The following MYCBP2 variants were observed in gnomAD, a reference collection of about 807,000 sequenced individuals.
MYCBP2 encodes MYC binding protein 2.
In MYCBP2, 120 loss-of-function variants were observed where a neutral mutation model predicts 525.3. The observed-to-expected ratio is 0.23, with a 90% CI of 0.20 to 0.27. The LOEUF is 0.27. Among genes scored for constraint, MYCBP2 ranks in the 10% least tolerant of loss-of-function variants. The probability of loss-of-function intolerance (pLI) is 1.00; values close to 1 mark genes in which losing one functional copy is unlikely to be tolerated. For missense variants in MYCBP2, 4,149 were observed against 5,657.1 expected, an observed-to-expected ratio of 0.73 and a Z score of 8.55; for synonymous variants, 1,894 against 1,955.8, an observed-to-expected ratio of 0.97 and a Z score of 0.83.
At chr13:77,306,221 G>T (rs1446158345) in intron 1 of MYCBP2, among the ~76,000 whole-genome samples, 1 of 152,156 alleles carries the variant, frequency 6.6e-6, no homozygotes. Context: ...AGCACCTTAT[G>T]TAAACTGAAG....
At chr13:77,120,663 AGAG>A (rs2050538705) in intron 55 of MYCBP2, among the ~76,000 whole-genome samples, 1 of 152,216 alleles carries the variant, frequency 6.6e-6, no homozygotes, top group African/African-American at 2.4e-5. Context: ...GGAAAGAACA[AGAG>A]TGTGTGAATT....
chr13:77,062,674 T>C lies in MYCBP2; in HGVS notation c.12696A>G (p.Leu4232=), dbSNP rs777854754. ...CTACGTGGTCCTGATCAAGAACACA[T>C]AGGGATGCGAGAGCAAGCCAGAGCT... is the stretch of plus-strand genomic sequence containing the variant. The part of the protein sequence containing the change: ...TTRLWLALAS[L]CVLDQDHVDR... Residue 4232 remains leucine, a synonymous_variant, in exon 74 of 83, where the codon CTA becomes CTG. Coordinates refer to ENST00000544440, the MANE Select transcript of MYCBP2 (RefSeq NM_015057.5). 18 of 1,614,014 alleles carry C rather than the reference T, an allele frequency of 1.1e-5. No homozygotes were observed. The highest frequency in any genetic ancestry group is 5.3e-5 in the African/African-American group (4 of 74,906).
chr13:77,167,933 A>G (rs1424652033), intron 40 of MYCBP2, among the ~76,000 whole-genome samples: 1 of 152,238 alleles, frequency 6.6e-6, no homozygotes, highest in Non-Finnish European at 1.5e-5. Context: ...AATTTGCATG[A>G]TACAATGAAA....
chr13:77,105,542 T>C (rs2047719181), intron 55 of MYCBP2, among the ~76,000 whole-genome samples: 1 of 152,092 alleles, frequency 6.6e-6, no homozygotes, highest in Admixed American at 6.6e-5. Context: ...TTATAGTTAA[T>C]TTTTATAAAG....
intron 31 of MYCBP2, 122 bp from the exon 32 acceptor site, chr13:77,185,499 G>C: frequency 9.3e-7 from 1 of 1,072,754 alleles, no homozygotes; most frequent in South Asian, 1.8e-5. Context: ...TCTTAGAAAT[G>C]AAACAACTTA....
rs1352368921 is a variant in MYCBP2, at chr13:77,273,358, C to G, written c.945+114G>C. On this transcript the variant is annotated intron_variant, in intron 5 of 82. Transcript: ENST00000544440. ...AGATTATTTATGTATCAATCTTGGACAGATTAAGCTACTGTAATGAGTGAG... is the reference window on the plus strand; with the variant it reads ...AGATTATTTATGTATCAATCTTGGAGAGATTAAGCTACTGTAATGAGTGAG... The G allele has an allele frequency of 5.2e-6, 4 of 770,518 alleles. No homozygotes were observed. The African/African-American group carries it at 5.3e-5, about 10-fold the overall frequency. 47.7% of individuals were successfully genotyped at this position (770,518 alleles called of 1,614,324 possible). A position where few individuals can be genotyped will look rare whatever the true frequency, so the allele number is the denominator to read the frequency against.
At chr13:77,075,058 A>G (rs2042043718) in intron 68 of MYCBP2, among the ~76,000 whole-genome samples, 1 of 152,136 alleles carries the variant, frequency 6.6e-6, no homozygotes, top group African/African-American at 2.4e-5. Flanking sequence ...ATATATTAAA[A>G]TCAGCTGGGC....
At chr13:77,290,478 G>C (rs1028575372) in intron 2 of MYCBP2, among the ~76,000 whole-genome samples, 2 of 152,044 alleles carry the variant, frequency 1.3e-5, no homozygotes, top group African/African-American at 4.8e-5. Context: ...TCTTTTAATG[G>C]GTAAATGGTT....
chr13:77,185,060 AAT>A (rs1293986722), intron 32 of MYCBP2, 41 bp downstream of exon 32: 1 of 1,559,982 alleles, frequency 6.4e-7, no homozygotes, highest in Non-Finnish European at 8.8e-7. Flanking sequence ...AGTATTAAGC[AAT>A]ATATCAGATT....
At position 77,081,747 on chromosome 13, in the gene MYCBP2, G is replaced by A; in HGVS notation, c.11193+90C>T. Reference sequence around the variant, plus strand: ...ATAAGATAAAACATAATGGAAGACAGGATCAAATTGATTATGAATAACTTA... The same window carrying A: ...ATAAGATAAAACATAATGGAAGACAAGATCAAATTGATTATGAATAACTTA... On this transcript the variant is annotated intron_variant, in intron 64 of 82. Coordinates refer to ENST00000544440, the MANE Select transcript of MYCBP2 (RefSeq NM_015057.5). The surrounding 1 kb of genome is among the most constrained non-coding windows in gnomAD (Gnocchi z 4.6). The A allele has an allele frequency of 6.5e-7, 1 of 1,531,294 alleles. No individual in the cohort carries two copies. The allele number at this position is 1,531,294 out of a possible 1,614,324, so 94.9% of individuals were successfully genotyped here.
chr13:77,206,948 AG>A lies in MYCBP2; in HGVS notation c.3417-124del, dbSNP rs1282456533. 3.2e-5 allele frequency: 25 copies of A among 771,198 alleles called. No homozygotes were observed. In the East Asian group the frequency reaches 6.7e-4, roughly 21 times the overall value. 47.8% of individuals were successfully genotyped at this position (771,198 alleles called of 1,614,324 possible). On this transcript the variant is annotated intron_variant, in intron 23 of 82. Coordinates refer to ENST00000544440, the MANE Select transcript of MYCBP2 (RefSeq NM_015057.5). ...TAGTCAGCTTAAAGAGGACAAATGT[AG>A]CTCATTATCTTCTGGATCTAAGCTA... is the stretch of plus-strand genomic sequence containing the variant.
intron 55 of MYCBP2, among the ~76,000 whole-genome samples, chr13:77,104,749 C>T (rs1204617022): frequency 1.3e-5 from 2 of 152,040 alleles, no homozygotes; most frequent in Non-Finnish European, 2.9e-5. Context: ...AATTTGGCAA[C>T]ACAAAAGTCA....
chr13:77,243,338 C>A (rs551947868), intron 16 of MYCBP2, among the ~76,000 whole-genome samples, 178 bp from the exon 17 acceptor site: 34 of 152,306 alleles, frequency 2.2e-4, no homozygotes, highest in African/African-American at 7.5e-4. Context: ...TCTGGCTAGG[C>A]ATGGTGGCCC....
In MYCBP2 at chr13:77,160,152, C is replaced by T. The variant is rs574895306; in HGVS notation, c.6597+1754G>A. On this transcript the variant is annotated intron_variant, in intron 44 of 82. Coordinates refer to ENST00000544440, the MANE Select transcript of MYCBP2 (RefSeq NM_015057.5). ...CATGATCTTGGCTCACCTCAACCTC[C>T]GACTCCCGGGTTCAAGCGATTCTCC... Among the ~76,000 whole-genome samples the T allele has an allele frequency of 6.2e-4, 94 of 151,550 alleles. No homozygotes were observed. In the South Asian group the frequency reaches 0.019, roughly 31 times the overall value.
rs144737618 is a variant in MYCBP2, at chr13:77,174,245, C to T, written c.5651+66G>A. On this transcript the variant is annotated intron_variant, in intron 37 of 82. Transcript: ENST00000544440. ...ATAAGTATCCAGTTAGCAATTTTAC[C>T]TGGTAGTAGACTGTGTATGTTCTAC... 2.4e-4 allele frequency: 355 copies of T among 1,457,202 alleles called. 2 individuals are homozygous for T. The African/African-American group carries it at 4.5e-3, about 19-fold the overall frequency. The allele number at this position is 1,457,202 out of a possible 1,614,324, so 90.3% of individuals were successfully genotyped here.
At chr13:77,113,463 T>C (rs1305424655) in intron 55 of MYCBP2, among the ~76,000 whole-genome samples, 1 of 152,078 alleles carries the variant, frequency 6.6e-6, no homozygotes, top group Non-Finnish European at 1.5e-5. Flanking sequence ...ACAGAGTAGA[T>C]ACTTAACAAA....
intron 53 of MYCBP2, 47 bp from the exon 54 acceptor site, chr13:77,125,515 G>T: frequency 6.2e-7 from 1 of 1,606,656 alleles, no homozygotes; most frequent in Non-Finnish European, 8.5e-7. Flanking sequence ...TTCTTTCAGG[G>T]AACTCAGTCT....
At chr13:77,312,953 T>C (rs1294458093) in intron 1 of MYCBP2, among the ~76,000 whole-genome samples, 2 of 151,968 alleles carry the variant, frequency 1.3e-5, no homozygotes, top group African/African-American at 2.4e-5. Context: ...TGTCCAAAGA[T>C]GACCGAACAC....
At position 77,243,956 on chromosome 13, in the gene MYCBP2, G is replaced by C. The variant is rs1204800155; in HGVS notation, c.2382-5C>G. The C allele has an allele frequency of 1.6e-5, 24 of 1,458,236 alleles. No individual in the cohort carries two copies. The East Asian group carries it at 5.9e-4, about 36-fold the overall frequency. The allele number at this position is 1,458,236 out of a possible 1,614,324, so 90.3% of individuals were successfully genotyped here. The stretch of plus-strand genomic sequence containing the variant: ...CCGGAACCACAACCACAGATCCTAG[G>C]GGGAAATACAAAAAAAAAAAAAAAA... On this transcript the variant is annotated splice_region_variant and splice_polypyrimidine_tract_variant and intron_variant, in intron 15 of 82. Coordinates refer to ENST00000544440, the MANE Select transcript of MYCBP2 (RefSeq NM_015057.5).
Sources: allele counts gnomAD v4.1 joint callset (sites outside exome capture counted in the v4.1 genomes callset), GRCh38; gene constraint gnomAD v4.1.1; non-coding constraint Gnocchi (gnomAD v3.1); transcripts MANE v1.5; gene names NCBI Gene and HGNC (gene_info 2026-07-23, HGNC 2026-07-21).